The following NDUFAF7 variants were observed in gnomAD, a reference collection of about 807,000 sequenced individuals.
NDUFAF7 encodes protein arginine methyltransferase NDUFAF7, mitochondrial.
A neutral mutation model predicts 47.2 loss-of-function variants in NDUFAF7; 48 were observed. The ratio of observed to expected loss-of-function variants is 1.02; its 90% CI spans 0.81 to 1.29. The LOEUF (loss-of-function observed/expected upper bound fraction) is 1.29. Ranked by LOEUF, NDUFAF7 falls within the 50% of genes most tolerant of loss-of-function variation. The pLI, the probability that NDUFAF7 is intolerant of heterozygous loss-of-function variation, is 0.00. For missense variants in NDUFAF7, 635 were observed against 537.6 expected (o/e 1.18, Z -1.79); for synonymous variants, 217 against 190.0 (o/e 1.14, Z -1.17).
At chr2:37,231,897 C>A in intron 1 of NDUFAF7, 137 bp downstream of exon 1, 1 of 1,583,156 alleles carries the variant, frequency 6.3e-7, no homozygotes, top group Non-Finnish European at 8.6e-7. Flanking sequence ...GGGCTGGAAA[C>A]GGGTCCGGTA....
At chr2:37,269,760 T>C in the NDUFAF7 span, 1 of 1,026,104 alleles carries the variant, frequency 9.7e-7, no homozygotes, top group Non-Finnish European at 1.5e-6. Context: ...ACTTTCTTCA[T>C]CCAAATACTT....
intron 7 of NDUFAF7, among the ~76,000 whole-genome samples, chr2:37,245,035 A>G (rs537666909): frequency 8.1e-4 from 124 of 152,346 alleles, no homozygotes; most frequent in African/African-American, 2.9e-3. Context: ...CTGATGCCTG[A>G]TGAGGCTGAC....
chr2:37,270,043 C>T, the NDUFAF7 span, among the ~76,000 whole-genome samples: 2 of 152,090 alleles, frequency 1.3e-5, no homozygotes. Context: ...GCCTGACCAA[C>T]AAGGAGAAAC....
At chr2:37,269,689 T>C in the NDUFAF7 span, 1 of 1,602,172 alleles carries the variant, frequency 6.2e-7, no homozygotes. Context: ...ACTGATATCC[T>C]GGTAGGATAA....
At chr2:37,250,157 G>C (rs1441200967), downstream of NDUFAF7, among the ~76,000 whole-genome samples, 6 of 151,830 alleles carry the variant, frequency 4.0e-5, no homozygotes, top group Admixed American at 3.9e-4. Context: ...CTAAAGTAAA[G>C]GAAGACGGAG....
chr2:37,237,040 G>T (rs1282099915), intron 3 of NDUFAF7, among the ~76,000 whole-genome samples: 1 of 151,890 alleles, frequency 6.6e-6, no homozygotes, highest in African/African-American at 2.4e-5. Flanking sequence ...GCGCAATCTC[G>T]GCTCACTGTA....
At chr2:37,256,597 A>G, downstream of NDUFAF7, 3 of 1,431,192 alleles carry the variant, frequency 2.1e-6, no homozygotes, top group Non-Finnish European at 2.7e-6. Flanking sequence ...TGGGATGAGA[A>G]AGATGTTTAG....
At chr2:37,243,812 G>T (rs908169958) in intron 6 of NDUFAF7, 51 bp from the exon 7 acceptor site, 2 of 1,369,380 alleles carry the variant, frequency 1.5e-6, no homozygotes, top group South Asian at 2.4e-5. Context: ...TAGAAGCAAT[G>T]TAGAGAACAA....
downstream of NDUFAF7, chr2:37,257,004 T>C (rs750372430): frequency 6.4e-5 from 94 of 1,460,264 alleles, no homozygotes; most frequent in African/African-American, 4.1e-4. Flanking sequence ...AATATAACAC[T>C]GTATGTATCA....
chr2:37,242,477 G>C (rs1283901319), intron 5 of NDUFAF7, 158 bp from the exon 6 acceptor site: 3 of 604,278 alleles, frequency 5.0e-6, no homozygotes, highest in Non-Finnish European at 8.9e-6. Flanking sequence ...AGTAATAATT[G>C]TTCTATGTTC....
intron 3 of NDUFAF7, among the ~76,000 whole-genome samples, chr2:37,236,698 G>A (rs540477161): frequency 2.0e-5 from 3 of 151,374 alleles, no homozygotes; most frequent in South Asian, 2.1e-4. Flanking sequence ...GGAGAATGGC[G>A]TGAACCCGGG....
At chr2:37,268,018 A>G in the NDUFAF7 span, 1 of 189,986 alleles carries the variant, frequency 5.3e-6, no homozygotes, top group African/African-American at 2.4e-5. Context: ...AGATATTAAA[A>G]AAAGGTAGAA....
the NDUFAF7 span, chr2:37,268,698 G>A: frequency 5.6e-6 from 1 of 178,590 alleles, no homozygotes; most frequent in Non-Finnish European, 1.2e-5. Flanking sequence ...CACTAGAAGA[G>A]ACAAAGGGAT....
intron 6 of NDUFAF7, among the ~76,000 whole-genome samples, chr2:37,242,924 A>G (rs1460207175): frequency 1.3e-5 from 2 of 152,178 alleles, no homozygotes; most frequent in Admixed American, 1.3e-4. Flanking sequence ...GATTTGAAGA[A>G]GTAAGGGAAT....
chr2:37,237,942 T>C, intron 4 of NDUFAF7, 75 bp downstream of exon 4: 1 of 989,676 alleles, frequency 1.0e-6, no homozygotes, highest in Non-Finnish European at 1.6e-6. Context: ...ACCATGTTGA[T>C]TTCATTGGTT....
chr2:37,259,750 A>C, the NDUFAF7 span: 10 of 1,099,724 alleles, frequency 9.1e-6, no homozygotes, highest in Non-Finnish European at 1.4e-5. Context: ...GACTCCTTGA[A>C]TGATTTAATT....
chr2:37,231,715 C>G lies in NDUFAF7; in HGVS notation c.10C>G (p.Leu4Val). Residue 4 changes from leucine to valine, a missense_variant, in exon 1 of 10, where the codon CTG (leucine) becomes GTG (valine). By Grantham distance (32) the Leu-to-Val change is conservative. Coordinates refer to ENST00000002125, the MANE Select transcript of NDUFAF7 (RefSeq NM_144736.5). ...GCCTGCGAATTTCAGCATGAGTGTA[C>G]TGCTGAGGTCAGGTTTGGGGCCGTT... MSV[L>V]LRSGLGPLCA... The G allele has an allele frequency of 5.0e-6, 8 of 1,614,248 alleles. No homozygotes were observed. Among genetic ancestry groups the G allele is most frequent in the Non-Finnish European group, 6.8e-6 (8 of 1,180,046 alleles).
intron 8 of NDUFAF7, among the ~76,000 whole-genome samples, chr2:37,246,956 C>T (rs747809671): frequency 9.7e-4 from 147 of 151,928 alleles, no homozygotes; most frequent in Non-Finnish European, 1.3e-3. Context: ...GGGTATATTG[C>T]ATTGACTCTG....
At chr2:37,238,905 C>CAA (rs35512230) in intron 4 of NDUFAF7, among the ~76,000 whole-genome samples, 5 of 93,058 alleles carry the variant, frequency 5.4e-5, no homozygotes, top group East Asian at 6.1e-4. Context: ...GCTAAAAAAG[C>CAA]AAAAAAAAAA....
Sources: gnomAD v4.1 joint callset for allele counts (sites outside exome capture counted in the v4.1 genomes callset) on GRCh38, gnomAD v4.1.1 for gene constraint, MANE v1.5 for transcripts, NCBI Gene and HGNC (gene_info 2026-07-23, HGNC 2026-07-21) for gene names.